KCNMA1: variants seen among roughly 807,000 people sequenced by gnomAD.
KCNMA1 encodes Calcium-activated potassium channel subunit alpha-1.
KCNMA1 carries 29 observed loss-of-function variants against 140.0 expected under a neutral mutation model. The ratio of observed to expected loss-of-function variants is 0.21; its 90% confidence interval spans 0.15 to 0.28. The LOEUF is 0.28. Among genes scored for constraint, KCNMA1 ranks in the 10% least tolerant of loss-of-function variants. The pLI, the probability that KCNMA1 is intolerant of heterozygous loss-of-function variation, is 1.00. For synonymous variants in KCNMA1, 612 were observed against 611.9 expected, an observed-to-expected ratio of 1.00 and a Z score of 0.00; for missense variants, 880 against 1,602.2, an observed-to-expected ratio of 0.55 and a Z score of 7.70.
rs116738280 is a variant in KCNMA1, at chr10:76,891,898, C to A, written c.3148-179G>T. ...CAGCCTCCAATTATTCCGTTATTTT[C>A]TCTCTTGCTTGGCTCTGCTACGACA... On this transcript the variant is annotated intron_variant, in intron 25 of 27. Transcript: ENST00000286628. Among the ~76,000 whole-genome samples, 223 of 152,288 alleles carry A rather than the reference C, an allele frequency of 1.5e-3. 3 individuals are homozygous for A. Among genetic ancestry groups the A allele is most frequent in the African/African-American group, 5.0e-3 (208 of 41,564 alleles).
chr10:77,395,870 T>C lies in KCNMA1; in HGVS notation c.540+7992A>G, dbSNP rs547800716. On this transcript the variant is annotated intron_variant, in intron 2 of 27. Coordinates refer to ENST00000286628, the MANE Select transcript of KCNMA1 (RefSeq NM_001161352.2). Reference sequence around the variant, plus strand: ...AATTATTTCTCTGACTCATGTTTTCTCATCTGGGTAAATGATGTTGAGTCA... The same window carrying C: ...AATTATTTCTCTGACTCATGTTTTCCCATCTGGGTAAATGATGTTGAGTCA... Among the ~76,000 whole-genome samples, 95 of 152,362 alleles carry C rather than the reference T, an allele frequency of 6.2e-4. 3 individuals are homozygous for C. In the South Asian group the frequency reaches 0.019, roughly 31 times the overall value.
intron 2 of KCNMA1, among the ~76,000 whole-genome samples, chr10:77,392,037 A>G (rs1261810232): frequency 6.6e-6 from 1 of 150,816 alleles, no homozygotes; most frequent in African/African-American, 2.4e-5. Flanking sequence ...AGTAGCCGCA[A>G]ATACAGACAT....
chr10:77,240,402 C>T (rs750394507), intron 3 of KCNMA1, among the ~76,000 whole-genome samples: 5 of 152,078 alleles, frequency 3.3e-5, no homozygotes, highest in Non-Finnish European at 5.9e-5. Context: ...ACCCGGGGCA[C>T]CCTGAGACCA....
chr10:77,252,692 T>C (rs2059912407), intron 2 of KCNMA1, among the ~76,000 whole-genome samples: 1 of 152,148 alleles, frequency 6.6e-6, no homozygotes, highest in South Asian at 2.1e-4. Flanking sequence ...GAGATACTCA[T>C]TTAAAGCATT....
intron 1 of KCNMA1, among the ~76,000 whole-genome samples, chr10:77,445,698 G>A (rs1356759784): frequency 1.3e-5 from 2 of 152,112 alleles, no homozygotes; most frequent in Admixed American, 6.5e-5. Context: ...CTGGCTTCTC[G>A]AATGCTGATA....
At chr10:77,265,302 T>C (rs1565592441) in intron 2 of KCNMA1, among the ~76,000 whole-genome samples, 1 of 152,180 alleles carries the variant, frequency 6.6e-6, no homozygotes, top group African/African-American at 2.4e-5. Context: ...TCCAACCGCC[T>C]TGGTCTCCCA....
intron 9 of KCNMA1, among the ~76,000 whole-genome samples, chr10:77,100,427 C>A (rs183441480): frequency 9.2e-5 from 14 of 152,282 alleles, no homozygotes; most frequent in African/African-American, 3.4e-4. Flanking sequence ...TTGGAACAGT[C>A]CCTGTGGTTC....
intron 14 of KCNMA1, among the ~76,000 whole-genome samples, chr10:77,044,979 G>A (rs2094954980): frequency 1.3e-5 from 2 of 152,154 alleles, no homozygotes; most frequent in African/African-American, 4.8e-5. Context: ...GGACTCAAAA[G>A]CCCAAACTCT....
At position 77,064,223 on chromosome 10, in the gene KCNMA1, C is replaced by T. The variant is rs566876008; in HGVS notation, c.1749+8874G>A. ...AGTTTGCTTTACCTTTAATGCTAGGCAGACAGTTTACACAAATCATTTTGC... is the reference window on the plus strand; with the variant it reads ...AGTTTGCTTTACCTTTAATGCTAGGTAGACAGTTTACACAAATCATTTTGC... On this transcript the variant is annotated intron_variant, in intron 14 of 27. Transcript: ENST00000286628. The T allele has an allele frequency of 2.4e-4, 112 of 473,500 alleles. 2 individuals carry two copies. In the South Asian group the frequency reaches 7.0e-3, roughly 30 times the overall value. The allele number at this position is 473,500 out of a possible 1,614,324, so 29.3% of individuals were successfully genotyped here.
chr10:77,011,574 C>G (rs533630079), intron 18 of KCNMA1, among the ~76,000 whole-genome samples: 1 of 152,330 alleles, frequency 6.6e-6, no homozygotes, highest in South Asian at 2.1e-4. Flanking sequence ...TTTAGTTTCT[C>G]TCTCAACCCT....
At chr10:77,616,596 A>G (rs2089594781) in intron 1 of KCNMA1, among the ~76,000 whole-genome samples, 5 of 152,216 alleles carry the variant, frequency 3.3e-5, no homozygotes, top group Admixed American at 2.0e-4. Context: ...ACTTGAGATC[A>G]GGAGTTCGAG....
At chr10:77,272,173 C>A (rs2065340838) in intron 2 of KCNMA1, among the ~76,000 whole-genome samples, 1 of 152,160 alleles carries the variant, frequency 6.6e-6, no homozygotes, top group Non-Finnish European at 1.5e-5. Context: ...CTATTGCTTG[C>A]CTAACCTCAA....
chr10:77,423,153 T>C (rs1460748082), intron 1 of KCNMA1, among the ~76,000 whole-genome samples: 2 of 152,212 alleles, frequency 1.3e-5, no homozygotes. Context: ...ATTAATGTGA[T>C]GTTTTGTTGG....
chr10:77,327,563 C>T (rs2084676926), intron 2 of KCNMA1, among the ~76,000 whole-genome samples: 1 of 152,056 alleles, frequency 6.6e-6, no homozygotes, highest in Non-Finnish European at 1.5e-5. Context: ...CCATATTAGC[C>T]AGGCTGGTCT....
intron 17 of KCNMA1, among the ~76,000 whole-genome samples, chr10:77,018,133 A>AGG (rs1224887444): frequency 4.8e-4 from 73 of 152,192 alleles, no homozygotes; most frequent in Non-Finnish European, 5.9e-5. Flanking sequence ...CTTACCTTCC[A>AGG]GGGTTATTTT....
At chr10:77,025,518 C>T in intron 16 of KCNMA1, 1 of 1,339,984 alleles carries the variant, frequency 7.5e-7, no homozygotes, top group Non-Finnish European at 1.1e-6. Context: ...CGACTGACAC[C>T]AGAAGGAAAG....
At chr10:76,907,794 G>A (rs983091637) in intron 25 of KCNMA1, among the ~76,000 whole-genome samples, 2 of 152,074 alleles carry the variant, frequency 1.3e-5, no homozygotes, top group Non-Finnish European at 2.9e-5. Context: ...GCCCACCTCG[G>A]CCTTCTAAAG....
At chr10:77,201,093 G>C (rs1327965894) in intron 3 of KCNMA1, among the ~76,000 whole-genome samples, 2 of 152,108 alleles carry the variant, frequency 1.3e-5, no homozygotes, top group Non-Finnish European at 2.9e-5. Context: ...GTGTGCAGGG[G>C]GTAGGGGGTG....
In KCNMA1 at chr10:77,523,240, G is replaced by A. The variant is rs1389818447; in HGVS notation, c.378+114025C>T. 5.5e-5 allele frequency among the ~76,000 whole-genome samples: 8 copies of A among 146,084 alleles called. No homozygotes were observed. In the Admixed American group the frequency reaches 5.6e-4, roughly 10 times the overall value. On this transcript the variant is annotated intron_variant, in intron 1 of 27. Transcript: ENST00000286628. ...TGCAATCACACCACAGAACCGCATA[G>A]TAGGTGCTTAATAAATAGTTATAAA...
Sources: allele counts gnomAD v4.1 joint callset (sites outside exome capture counted in the v4.1 genomes callset), GRCh38; gene constraint gnomAD v4.1.1; transcripts MANE v1.5; gene names NCBI Gene and HGNC (gene_info 2026-07-23, HGNC 2026-07-21).